The following FDXR variants were observed in gnomAD, a reference collection of about 807,000 sequenced individuals.
The protein encoded by FDXR is NADPH:adrenodoxin oxidoreductase, mitochondrial.
A neutral mutation model predicts 58.3 loss-of-function variants in FDXR; 38 were observed. The observed-to-expected ratio is 0.65, with a 90% CI of 0.50 to 0.85. FDXR has a LOEUF of 0.85. FDXR is among the 40% of genes least tolerant of loss of function. The probability of loss-of-function intolerance (pLI) is 0.00; values close to 1 mark genes in which losing one functional copy is unlikely to be tolerated. For missense variants in FDXR, 624 were observed against 671.0 expected (o/e 0.93, Z 0.77); for synonymous variants, 275 against 273.8 (o/e 1.00, Z -0.04).
At chr17:74,870,662 C>T (rs1420377986) in intron 2 of FDXR, among the ~76,000 whole-genome samples, 1 of 152,150 alleles carries the variant, frequency 6.6e-6, no homozygotes, top group Non-Finnish European at 1.5e-5. Context: ...TGATCTCCAT[C>T]CCAGAGCCCA....
In FDXR at chr17:74,862,938, G is replaced by T. The variant is rs370091023; in HGVS notation, c.1355C>A (p.Pro452Gln). 1.2e-6 allele frequency: 2 copies of T among 1,611,894 alleles called. No homozygotes were observed. Among genetic ancestry groups the T allele is most frequent in the Non-Finnish European group, 1.7e-6 (2 of 1,179,926 alleles). Reference sequence around the variant, plus strand: ...CTTCTCCCAGTCTGAGAAAGAGACTGGCCGGACCCCTGAAGCAGAGGGGAG... The same window carrying T: ...CTTCTCCCAGTCTGAGAAAGAGACTTGCCGGACCCCTGAAGCAGAGGGGAG... ...QALLSSRGVR[P>Q]VSFSDWEKLD... is the part of the protein sequence containing the mutation. The change falls in exon 12 of 12, where the codon CCA becomes CAA. Residue 452 changes from proline to glutamine, a missense_variant. Physicochemically the swap from Pro to Gln is moderately conservative, Grantham distance 76 (BLOSUM62 -1). Coordinates refer to ENST00000293195, the MANE Select transcript of FDXR (RefSeq NM_024417.5).
In FDXR at chr17:74,872,829, G is replaced by A. The variant is rs948317463; in HGVS notation, c.79+37C>T. The A allele has an allele frequency of 1.0e-5, 16 of 1,543,444 alleles. No homozygotes were observed. The African/African-American group carries it at 1.4e-4, about 13-fold the overall frequency. Reference sequence around the variant, plus strand: ...CTACTCAGCGCTCGCAGGCCTCCCCGCGCTCCCATCCAGCCCCAAAGGCGC... The same window carrying A: ...CTACTCAGCGCTCGCAGGCCTCCCCACGCTCCCATCCAGCCCCAAAGGCGC... On this transcript the variant is annotated intron_variant, in intron 1 of 11. Transcript: ENST00000293195.
At chr17:74,864,392 C>G (rs763719128) in intron 8 of FDXR, 45 bp from the exon 9 acceptor site, 1 of 1,597,456 alleles carries the variant, frequency 6.3e-7, no homozygotes, top group Non-Finnish European at 8.5e-7. Context: ...TGGGCCCCGG[C>G]CCTCTCCCTG....
At chr17:74,863,300 G>A in intron 10 of FDXR, 54 bp from the exon 11 acceptor site, 1 of 1,499,714 alleles carries the variant, frequency 6.7e-7, no homozygotes, top group South Asian at 1.2e-5. Flanking sequence ...TACCACCCTG[G>A]CCATCCTGTG....
intron 2 of FDXR, among the ~76,000 whole-genome samples, chr17:74,871,756 C>T (rs950398803): frequency 6.6e-6 from 1 of 152,322 alleles, no homozygotes; most frequent in South Asian, 2.1e-4. Flanking sequence ...TGCAGGTCTA[C>T]ATAAGCCCCC....
chr17:74,865,882 G>A, intron 5 of FDXR, 62 bp from the exon 6 acceptor site: 1 of 1,317,152 alleles, frequency 7.6e-7, no homozygotes, highest in South Asian at 1.2e-5. Context: ...ATCTCAGTCT[G>A]CAGGTGCCTC....
rs184114326 is a variant in FDXR at position 74,872,831 on chromosome 17, G to T, written c.79+35C>A. The T allele has an allele frequency of 8.2e-5, 127 of 1,543,682 alleles. No homozygotes were observed. The African/African-American group carries it at 1.6e-3, about 20-fold the overall frequency. ...ACTCAGCGCTCGCAGGCCTCCCCGC[G>T]CTCCCATCCAGCCCCAAAGGCGCCC... On this transcript the variant is annotated intron_variant, in intron 1 of 11. Transcript: ENST00000293195.
chr17:74,872,529 A>C, intron 1 of FDXR: 1 of 620,564 alleles, frequency 1.6e-6, no homozygotes, highest in Non-Finnish European at 2.8e-6. Context: ...TATTGCCCAT[A>C]TAGACCCGTC....
At chr17:74,866,279 T>C in intron 4 of FDXR, 35 bp from the exon 5 acceptor site, 1 of 1,597,348 alleles carries the variant, frequency 6.3e-7, no homozygotes, top group Non-Finnish European at 8.6e-7. Context: ...ACCCACAGCC[T>C]TCAGCACCAG....
In FDXR at chr17:74,866,256, T is replaced by C. The variant is rs1258544277; in HGVS notation, c.394-12A>G. 3 of 1,610,460 alleles carry C rather than the reference T, an allele frequency of 1.9e-6. No homozygotes were observed. The highest frequency in any genetic ancestry group is 2.2e-5 in the South Asian group (2 of 90,922). ...TCTGCCCCGTAGCTCTGATGAAAGA[T>C]GGCAGGCCCGAGACCCACAGCCTTC... On this transcript the variant is annotated splice_polypyrimidine_tract_variant and intron_variant, in intron 4 of 11. Coordinates refer to ENST00000293195, the MANE Select transcript of FDXR (RefSeq NM_024417.5).
chr17:74,866,755 C>T, intron 3 of FDXR, 29 bp downstream of exon 3: 2 of 1,612,388 alleles, frequency 1.2e-6, no homozygotes, highest in Non-Finnish European at 1.7e-6. Flanking sequence ...AGTCTCCAAA[C>T]CCCAGCCTCC....
At position 74,872,023 on chromosome 17, in the gene FDXR, G is replaced by A. The variant is rs1346429752; in HGVS notation, c.177+13C>T. 11 of 1,563,080 alleles carry A rather than the reference G, an allele frequency of 7.0e-6. No homozygotes were observed. The highest frequency in any genetic ancestry group is 9.5e-6 in the Non-Finnish European group (11 of 1,153,474). ...GCAGCAGGTGAATGATGGACTATGA[G>A]TAAGTGGCTTACCTTTAGCAGGTGT... On this transcript the variant is annotated intron_variant, in intron 2 of 11. Coordinates refer to ENST00000293195, the MANE Select transcript of FDXR (RefSeq NM_024417.5).
rs1441084539 is a variant in FDXR, at chr17:74,866,166, C to T, written c.472G>A (p.Val158Met). ...LPGVCSARAF[V>M]GWYNGLPENQ... Reference sequence around the variant, plus strand: ...TCAGGAAGCCCGTTGTACCAGCCCACGAAGGCCCGGGCGGAGCACACACCT... The same window carrying T: ...TCAGGAAGCCCGTTGTACCAGCCCATGAAGGCCCGGGCGGAGCACACACCT... Residue 158 changes from valine (V) to methionine (M), a missense_variant, in exon 5 of 12, where the codon GTG becomes ATG. Transcript: ENST00000293195. The T allele has an allele frequency of 4.3e-6, 7 of 1,613,870 alleles. No homozygotes were observed. Among genetic ancestry groups the T allele is most frequent in the African/African-American group, 1.3e-5 (1 of 75,028 alleles).
chr17:74,864,182 G>T lies in FDXR; in HGVS notation c.968C>A (p.Ala323Glu). 6.2e-7 allele frequency: 1 copy of T among 1,612,692 alleles called. No individual in the cohort carries two copies. Among genetic ancestry groups the T allele is most frequent in the Non-Finnish European group, 8.5e-7 (1 of 1,179,976 alleles). The change falls in exon 9 of 12, where the codon GCA (alanine) becomes GAA (glutamate). Residue 323 changes from alanine (A) to glutamate (E), a missense_variant. Physicochemically the swap from Ala to Glu is moderately radical, Grantham distance 107. Coordinates refer to ENST00000293195, the MANE Select transcript of FDXR (RefSeq NM_024417.5). The part of the protein sequence containing the change: ...QVLPSPDGRR[A>E]AGVRLAVTRL... ...AGTGACTGCTAGGCGGACACCTGCT[G>T]CCCGCCGCCCATCTGGTGAGGGCAG...
chr17:74,868,297 C>T, intron 2 of FDXR: 1 of 599,176 alleles, frequency 1.7e-6, no homozygotes, highest in East Asian at 2.8e-5. Context: ...CACTAGCTGG[C>T]TCTGTGCACT....
At chr17:74,866,626 G>C in intron 3 of FDXR, 58 bp from the exon 4 acceptor site, 1 of 1,610,256 alleles carries the variant, frequency 6.2e-7, no homozygotes. Context: ...CAGGGACCAA[G>C]TCTGCACCAC....
chr17:74,867,359 T>C (rs1437454850), intron 2 of FDXR, among the ~76,000 whole-genome samples: 2 of 139,306 alleles, frequency 1.4e-5, no homozygotes, highest in South Asian at 2.3e-4. Context: ...CCCTCAGAGA[T>C]GGGGAGAAAT....
chr17:74,868,757 G>T (rs2038278104), intron 2 of FDXR: 2 of 1,482,948 alleles, frequency 1.3e-6, no homozygotes, highest in South Asian at 2.7e-5. Context: ...ATTCTCTGAG[G>T]TTCTTCCGAT....
At chr17:74,866,310 C>A (rs963933595) in intron 4 of FDXR, 66 bp from the exon 5 acceptor site, 1 of 1,570,358 alleles carries the variant, frequency 6.4e-7, no homozygotes, top group East Asian at 2.3e-5. Context: ...CCGGGCAGCC[C>A]CCCAGGCTCC....
Sources: gnomAD v4.1 joint callset for allele counts (sites outside exome capture counted in the v4.1 genomes callset) on GRCh38, gnomAD v4.1.1 for gene constraint, MANE v1.5 for transcripts, NCBI Gene and HGNC (gene_info 2026-07-23, HGNC 2026-07-21) for gene names.